OSBPL6: variants seen among roughly 807,000 people sequenced by gnomAD.
OSBPL6 encodes oxysterol-binding protein-related protein 6.
In OSBPL6, 49 loss-of-function variants were observed where a neutral mutation model predicts 125.8. That is an observed-to-expected ratio of 0.39 (90% CI 0.31 to 0.49). The LOEUF (loss-of-function observed/expected upper bound fraction) is 0.49, where lower values mean the gene tolerates loss of function less well. Among genes scored for constraint, OSBPL6 ranks in the 20% least tolerant of loss-of-function variants. The probability of loss-of-function intolerance (pLI) is 0.88; values close to 1 mark genes in which losing one functional copy is unlikely to be tolerated. For missense variants in OSBPL6, 986 were observed against 1,135.4 expected (o/e 0.87, Z 1.89); for synonymous variants, 394 against 391.8 (o/e 1.01, Z -0.07).
intron 2 of OSBPL6, among the ~76,000 whole-genome samples, chr2:178,290,173 G>A (rs1014658786): frequency 6.6e-6 from 1 of 152,082 alleles, no homozygotes; most frequent in Non-Finnish European, 1.5e-5. Flanking sequence ...TTTGTTAGCT[G>A]TCATTCTTTT....
chr2:178,389,006 TA>T lies in OSBPL6; in HGVS notation c.2157-2del. 1 of 1,613,196 alleles carries T rather than the reference TA, an allele frequency of 6.2e-7. No homozygotes were observed. Among genetic ancestry groups the T allele is most frequent in the Non-Finnish European group, 8.5e-7 (1 of 1,179,716 alleles). On this transcript the variant is annotated splice_acceptor_variant, in intron 20 of 24. Coordinates refer to ENST00000190611, the MANE Select transcript of OSBPL6 (RefSeq NM_032523.4). LOFTEE classifies it high-confidence loss of function. ...TTTTCATCAGTGTTACATTCTTCAC[TA>T]GGTATGGAGATTACTATGTGTGGAA...
chr2:178,352,152 G>A (rs1691318290), intron 12 of OSBPL6, among the ~76,000 whole-genome samples: 1 of 152,218 alleles, frequency 6.6e-6, no homozygotes, highest in African/African-American at 2.4e-5. Flanking sequence ...GCTCCATTCT[G>A]CAGCTCCCAG....
intron 10 of OSBPL6, 24 bp downstream of exon 10, chr2:178,339,118 A>G (rs1689962664): frequency 6.9e-7 from 1 of 1,452,860 alleles, no homozygotes; most frequent in East Asian, 2.3e-5. Flanking sequence ...TGCTGCTGGT[A>G]AAAGGACTTA....
chr2:178,390,240 G>C lies in OSBPL6; in HGVS notation c.2302-833G>C, dbSNP rs146113389. ...TTTATAACAAAGCCTGTGAGGCCAG[G>C]TTGGACCCTTCAGAACTCTGTGCTG... On this transcript the variant is annotated intron_variant, in intron 21 of 24. Transcript: ENST00000190611. 2.0e-3 allele frequency among the ~76,000 whole-genome samples: 302 copies of C among 152,336 alleles called. 2 individuals carry two copies. The highest frequency in any genetic ancestry group is 6.8e-3 in the African/African-American group (284 of 41,586).
chr2:178,313,472 T>A (rs1687470541), intron 3 of OSBPL6, among the ~76,000 whole-genome samples: 1 of 152,116 alleles, frequency 6.6e-6, no homozygotes, highest in Non-Finnish European at 1.5e-5. Context: ...TGTAAATCCT[T>A]AAATGAGTCA....
At chr2:178,228,330 T>C (rs978408450) in intron 1 of OSBPL6, among the ~76,000 whole-genome samples, 26 of 152,146 alleles carry the variant, frequency 1.7e-4, no homozygotes, top group Non-Finnish European at 5.9e-5. Context: ...GGTCAGGAGA[T>C]CGAGACCATC....
chr2:178,216,054 T>G (rs2090082698), intron 1 of OSBPL6, among the ~76,000 whole-genome samples: 1 of 152,188 alleles, frequency 6.6e-6, no homozygotes, highest in South Asian at 2.1e-4. Context: ...GGGGGCTGGC[T>G]AGGCAAGCAC....
At chr2:178,212,728 G>T (rs140508890) in intron 1 of OSBPL6, among the ~76,000 whole-genome samples, 1 of 152,024 alleles carries the variant, frequency 6.6e-6, no homozygotes, top group East Asian at 1.9e-4. Flanking sequence ...TTTTTTAAAC[G>T]CAGAGGCTAA....
At chr2:178,293,482 A>G (rs1385447947) in intron 2 of OSBPL6, among the ~76,000 whole-genome samples, 1 of 152,094 alleles carries the variant, frequency 6.6e-6, no homozygotes, top group Non-Finnish European at 1.5e-5. Context: ...GTGCCCAACT[A>G]ATTTTTAAAA....
intron 1 of OSBPL6, among the ~76,000 whole-genome samples, chr2:178,195,988 T>C: frequency 6.6e-6 from 1 of 152,182 alleles, no homozygotes; most frequent in Non-Finnish European, 1.5e-5. Flanking sequence ...CTTTTCCTTC[T>C]TTCATCCTTC....
intron 1 of OSBPL6, among the ~76,000 whole-genome samples, chr2:178,268,553 C>G (rs2092302894): frequency 6.6e-6 from 1 of 152,302 alleles, no homozygotes; most frequent in African/African-American, 2.4e-5. Flanking sequence ...CCATACTCCC[C>G]TTGGAATGCC....
At chr2:178,196,697 A>G (rs2153926435) in intron 1 of OSBPL6, among the ~76,000 whole-genome samples, 1 of 152,364 alleles carries the variant, frequency 6.6e-6, no homozygotes, top group South Asian at 2.1e-4. Context: ...GGAGATAAAA[A>G]TTCTTATGAC....
chr2:178,289,952 A>G (rs1685086091), intron 2 of OSBPL6, among the ~76,000 whole-genome samples: 1 of 152,202 alleles, frequency 6.6e-6, no homozygotes, highest in African/African-American at 2.4e-5. Flanking sequence ...CCACCTCAGG[A>G]GGCACATATG....
intron 2 of OSBPL6, among the ~76,000 whole-genome samples, chr2:178,305,483 T>G (rs1686677065): frequency 6.6e-6 from 1 of 152,196 alleles, no homozygotes; most frequent in Non-Finnish European, 1.5e-5. Flanking sequence ...TTGTTGAGAG[T>G]CACATGTAGG....
At chr2:178,320,442 A>G (rs1056938782) in intron 3 of OSBPL6, 3 of 1,581,304 alleles carry the variant, frequency 1.9e-6, no homozygotes, top group Non-Finnish European at 2.6e-6. Flanking sequence ...TAAGTTCCTT[A>G]AAAAACTGAC....
chr2:178,328,875 G>A (rs1293833797), intron 5 of OSBPL6, among the ~76,000 whole-genome samples: 1 of 152,016 alleles, frequency 6.6e-6, no homozygotes, highest in Non-Finnish European at 1.5e-5. Flanking sequence ...ATATACATAT[G>A]GAGGGAAAAA....
At chr2:178,260,001 C>G (rs372858423) in intron 1 of OSBPL6, among the ~76,000 whole-genome samples, 1 of 152,168 alleles carries the variant, frequency 6.6e-6, no homozygotes, top group African/African-American at 2.4e-5. Flanking sequence ...AGGTTCCATT[C>G]ATTCATTAGG....
chr2:178,237,896 C>T (rs2091126140), intron 1 of OSBPL6, among the ~76,000 whole-genome samples: 1 of 152,150 alleles, frequency 6.6e-6, no homozygotes, highest in Non-Finnish European at 1.5e-5. Context: ...CTCTGTGGAC[C>T]ACTCACTTCT....
At chr2:178,202,205 T>C (rs1246759616) in intron 1 of OSBPL6, among the ~76,000 whole-genome samples, 1 of 152,244 alleles carries the variant, frequency 6.6e-6, no homozygotes, top group East Asian at 1.9e-4. Flanking sequence ...ATATTTACTA[T>C]GTATTTACCA....
Sources: allele counts gnomAD v4.1 joint callset (sites outside exome capture counted in the v4.1 genomes callset), GRCh38; gene constraint gnomAD v4.1.1; transcripts MANE v1.5; gene names NCBI Gene and HGNC (gene_info 2026-07-23, HGNC 2026-07-21).